PSEN1: variants seen among roughly 807,000 people sequenced by gnomAD.
PSEN1 encodes presenilin-1.
Under a neutral mutation model 53.5 loss-of-function variants are expected in PSEN1, and 15 were observed. The observed-to-expected ratio is 0.28, with a 90% CI of 0.19 to 0.43. PSEN1 has a LOEUF of 0.43. PSEN1 is among the 20% of genes least tolerant of loss of function. PSEN1 has a pLI of 1.00. For missense variants in PSEN1, 387 were observed against 571.2 expected, an observed-to-expected ratio of 0.68 and a Z score of 3.29; for synonymous variants, 208 against 209.8, an observed-to-expected ratio of 0.99 and a Z score of 0.08.
At chr14:73,185,395 G>C (rs1898463665) in intron 5 of PSEN1, among the ~76,000 whole-genome samples, 1 of 152,254 alleles carries the variant, frequency 6.6e-6, no homozygotes, top group Non-Finnish European at 1.5e-5. Context: ...CTTGCGGTTA[G>C]GGGCTGGAGA....
chr14:73,154,254 T>C (rs957206435), intron 3 of PSEN1, among the ~76,000 whole-genome samples: 2 of 152,108 alleles, frequency 1.3e-5, no homozygotes, highest in African/African-American at 4.8e-5. Context: ...TAAGTTTCTG[T>C]TTTCTTTATA....
rs750726999 is a variant in PSEN1, at chr14:73,170,793, A to G, written c.88-4A>G. The G allele has an allele frequency of 2.5e-6, 4 of 1,614,134 alleles. No individual in the cohort carries two copies. In the South Asian group the frequency reaches 3.3e-5, roughly 13 times the overall value. On this transcript the variant is annotated splice_polypyrimidine_tract_variant and splice_region_variant and intron_variant, in intron 3 of 11. Coordinates refer to ENST00000324501, the MANE Select transcript of PSEN1 (RefSeq NM_000021.4). ...TACTGAAAATGTTTTTCTTGTGCTTATAGAATGACAATAGAGAACGGCAGG... is the reference window on the plus strand; with the variant it reads ...TACTGAAAATGTTTTTCTTGTGCTTGTAGAATGACAATAGAGAACGGCAGG...
chr14:73,185,199 G>A (rs1180709200), intron 5 of PSEN1, among the ~76,000 whole-genome samples: 1 of 152,122 alleles, frequency 6.6e-6, no homozygotes, highest in African/African-American at 2.4e-5. Flanking sequence ...CTTCCCAGAC[G>A]GGGTGGCGGC....
rs546698281 is a variant in PSEN1 at position 73,217,844 on chromosome 14, A to C, written c.1248+600A>C. 4.5e-5 allele frequency among the ~76,000 whole-genome samples: 6 copies of C among 134,248 alleles called. No homozygotes were observed. The Admixed American group carries it at 5.0e-4, about 11-fold the overall frequency. The allele number at this position is 134,248 out of a possible 152,430, so 88.1% of individuals were successfully genotyped here. A position where few individuals can be genotyped will look rare whatever the true frequency, so the allele number is the denominator to read the frequency against. Reference sequence around the variant, plus strand: ...ACGGAGTCTCTGTCACCCAGGCTGGAGTGGTGCAATCTCGGCTCATTGCAA... The same window carrying C: ...ACGGAGTCTCTGTCACCCAGGCTGGCGTGGTGCAATCTCGGCTCATTGCAA... On this transcript the variant is annotated intron_variant, in intron 11 of 11. Coordinates refer to ENST00000324501, the MANE Select transcript of PSEN1 (RefSeq NM_000021.4).
At chr14:73,185,362 G>A (rs1387959192) in intron 5 of PSEN1, among the ~76,000 whole-genome samples, 5 of 152,204 alleles carry the variant, frequency 3.3e-5, no homozygotes, top group Non-Finnish European at 5.9e-5. Flanking sequence ...CCGGCACCTC[G>A]GGAGGCCGAG....
chr14:73,208,344 GCT>G (rs1486258742), intron 9 of PSEN1, among the ~76,000 whole-genome samples: 1 of 152,238 alleles, frequency 6.6e-6, no homozygotes, highest in Non-Finnish European at 1.5e-5. Context: ...ATGAAAAGGT[GCT>G]TTATTGAGCA....
intron 3 of PSEN1, among the ~76,000 whole-genome samples, chr14:73,158,913 G>T (rs1897446731): frequency 6.6e-6 from 1 of 152,134 alleles, no homozygotes; most frequent in African/African-American, 2.4e-5. Flanking sequence ...TTATAAAAAG[G>T]TATATAGTTA....
chr14:73,182,319 A>C (rs2140063607), intron 5 of PSEN1, among the ~76,000 whole-genome samples: 1 of 151,822 alleles, frequency 6.6e-6, no homozygotes, highest in East Asian at 1.9e-4. Flanking sequence ...CACCTCTACA[A>C]AAAGAAAAAA....
chr14:73,212,135 A>G (rs1044372903), intron 10 of PSEN1, among the ~76,000 whole-genome samples, 193 bp downstream of exon 10: 1 of 67,818 alleles, frequency 1.5e-5, no homozygotes. Context: ...TTTTTGAGAC[A>G]GAGTCTCGCT....
chr14:73,155,604 A>G (rs1019050030), intron 3 of PSEN1, among the ~76,000 whole-genome samples: 3 of 152,100 alleles, frequency 2.0e-5, no homozygotes, highest in African/African-American at 7.2e-5. Context: ...CCTGGGCTCA[A>G]GTGATTCTCC....
At chr14:73,170,402 T>C (rs1594997153) in intron 3 of PSEN1, among the ~76,000 whole-genome samples, 1 of 152,210 alleles carries the variant, frequency 6.6e-6, no homozygotes, top group African/African-American at 2.4e-5. Context: ...TAAAGTCTTA[T>C]TAATTAAGGT....
intron 7 of PSEN1, among the ~76,000 whole-genome samples, chr14:73,195,457 A>G (rs214262): frequency 0.75 from 114,377 of 152,192 alleles, 44,374 homozygotes; most frequent in African/African-American, 0.94. Context: ...ACAGGCTTGA[A>G]CCACTGCGCC....
chr14:73,153,802 TC>T (rs538343022), intron 3 of PSEN1, among the ~76,000 whole-genome samples: 220 of 149,666 alleles, frequency 1.5e-3, no homozygotes, highest in Non-Finnish European at 2.3e-3. Context: ...AGCCTCTGCC[TC>T]CCAGGTTCAA....
intron 5 of PSEN1, chr14:73,174,067 A>G (rs989604610): frequency 2.9e-6 from 1 of 347,936 alleles, no homozygotes; most frequent in East Asian, 4.9e-5. Flanking sequence ...TGTAAAATAT[A>G]TATATTATGA....
At chr14:73,171,516 A>G (rs147796167) in intron 4 of PSEN1, among the ~76,000 whole-genome samples, 2 of 152,304 alleles carry the variant, frequency 1.3e-5, no homozygotes, top group African/African-American at 2.4e-5. Flanking sequence ...AGAAGGGTGC[A>G]CCCTTACAGA....
intron 5 of PSEN1, 156 bp downstream of exon 5, chr14:73,173,863 C>T (rs936765949): frequency 1.1e-6 from 1 of 905,344 alleles, no homozygotes; most frequent in Admixed American, 2.0e-5. Context: ...GTGGAACATT[C>T]AAAAAATACA....
At position 73,178,490 on chromosome 14, in the gene PSEN1, T is replaced by C. The variant is rs370972528; in HGVS notation, c.480+4783T>C. On this transcript the variant is annotated intron_variant, in intron 5 of 11. Coordinates refer to ENST00000324501, the MANE Select transcript of PSEN1 (RefSeq NM_000021.4). ...GACGTGAGCCACCATGCCTGGCTCTTTACCCTCTTCTGGGAGTGACAACAC... is the reference window on the plus strand; with the variant it reads ...GACGTGAGCCACCATGCCTGGCTCTCTACCCTCTTCTGGGAGTGACAACAC... 5.9e-5 allele frequency among the ~76,000 whole-genome samples: 9 copies of C among 152,146 alleles called. No individual in the cohort carries two copies. The East Asian group carries it at 7.7e-4, about 13-fold the overall frequency.
At chr14:73,177,544 A>G (rs1448530380) in intron 5 of PSEN1, among the ~76,000 whole-genome samples, 5 of 152,192 alleles carry the variant, frequency 3.3e-5, no homozygotes, top group Non-Finnish European at 5.9e-5. Flanking sequence ...TTCCTTTAGT[A>G]ATGCTTTTAG....
intron 10 of PSEN1, among the ~76,000 whole-genome samples, chr14:73,212,833 C>T (rs1566654296): frequency 6.6e-6 from 1 of 152,196 alleles, no homozygotes; most frequent in Non-Finnish European, 1.5e-5. Flanking sequence ...TTGAATAAGA[C>T]TTTAGCATAT....
Sources: allele counts gnomAD v4.1 joint callset (sites outside exome capture counted in the v4.1 genomes callset), GRCh38; gene constraint gnomAD v4.1.1; transcripts MANE v1.5; gene names NCBI Gene and HGNC (gene_info 2026-07-23, HGNC 2026-07-21).